The following CERK variants were observed in gnomAD, a reference collection of about 807,000 sequenced individuals.
CERK encodes the protein acylsphingosine kinase.
CERK carries 39 observed loss-of-function variants against 63.4 expected under a neutral mutation model. The ratio of observed to expected loss-of-function variants is 0.61; its 90% CI spans 0.48 to 0.80. CERK has a LOEUF of 0.80. Ranked by LOEUF, CERK falls within the 30% of genes least tolerant of loss-of-function variation. The pLI is 0.00. For synonymous variants in CERK, 302 were observed against 280.0 expected (o/e 1.08, Z -0.78); for missense variants, 670 against 714.1 (o/e 0.94, Z 0.70).
At chr22:46,720,845 C>T (rs957479548) in intron 2 of CERK, 57 bp downstream of exon 2, 15 of 1,068,842 alleles carry the variant, frequency 1.4e-5, no homozygotes, top group Non-Finnish European at 2.0e-5. Context: ...AGTTCCCTCT[C>T]GTGTAATCTA....
In CERK at chr22:46,701,584, G is replaced by C. The variant is rs1424355767; in HGVS notation, c.790+52C>G. ...GGGGACCAGAGTGGGACAGGCCTGG[G>C]GGCGCAGGAGGCCCGGCTGCCACCG... On this transcript the variant is annotated intron_variant, in intron 7 of 12. Transcript: ENST00000216264. The C allele has an allele frequency of 2.7e-6, 4 of 1,465,602 alleles. No homozygotes were observed. In the Admixed American group the frequency reaches 7.9e-5, roughly 29 times the overall value. The allele number at this position is 1,465,602 out of a possible 1,614,324, so 90.8% of individuals were successfully genotyped here. A position where few individuals can be genotyped will look rare whatever the true frequency, so the allele number is the denominator to read the frequency against.
intron 6 of CERK, among the ~76,000 whole-genome samples, chr22:46,705,326 GC>G (rs1288701846): frequency 6.6e-6 from 1 of 152,214 alleles, no homozygotes; most frequent in Non-Finnish European, 1.5e-5. Context: ...GGCACTTGTG[GC>G]CATAGGGAGA....
intron 12 of CERK, among the ~76,000 whole-genome samples, chr22:46,688,136 C>T (rs181400174): frequency 3.3e-5 from 5 of 152,036 alleles, no homozygotes; most frequent in Non-Finnish European, 7.4e-5. Context: ...TGCAGTGAGC[C>T]GAGACCTCGC....
chr22:46,734,638 C>T (rs2082963303), intron 1 of CERK, among the ~76,000 whole-genome samples: 1 of 152,196 alleles, frequency 6.6e-6, no homozygotes, highest in Non-Finnish European at 1.5e-5. Flanking sequence ...AGTTTTATTG[C>T]ATGCAATTTA....
chr22:46,697,712 C>T (rs1265721968), intron 8 of CERK, among the ~76,000 whole-genome samples: 1 of 152,178 alleles, frequency 6.6e-6, no homozygotes, highest in South Asian at 2.1e-4. Context: ...ACCATGTTGG[C>T]GAGGCTGGTC....
At chr22:46,737,871 T>A in intron 1 of CERK, 136 bp downstream of exon 1, 70 of 265,024 alleles carry the variant, frequency 2.6e-4, no homozygotes, top group East Asian at 8.2e-4. Context: ...GACCCCTCCC[T>A]GGCGCCTGCG....
chr22:46,726,771 C>T (rs147947879), intron 1 of CERK, among the ~76,000 whole-genome samples: 30 of 151,758 alleles, frequency 2.0e-4, no homozygotes, highest in Middle Eastern at 3.4e-3. Flanking sequence ...CTGTCCCCCG[C>T]CCCTCCCCGC....
At position 46,687,222 on chromosome 22, in the gene CERK, G is replaced by A; in HGVS notation, c.1542-16C>T. On this transcript the variant is annotated splice_polypyrimidine_tract_variant and intron_variant, in intron 12 of 12. Coordinates refer to ENST00000216264, the MANE Select transcript of CERK (RefSeq NM_022766.6). ...GCAGTGGACTCTGCAGAGACAAGCG[G>A]CCACGTGTAAACCCCACGTGTCCCT... is the stretch of plus-strand genomic sequence containing the variant. The A allele has an allele frequency of 1.2e-6, 2 of 1,612,966 alleles. No individual in the cohort carries two copies. The highest frequency in any genetic ancestry group is 1.7e-6 in the Non-Finnish European group (2 of 1,179,420).
chr22:46,725,036 A>G lies in CERK; in HGVS notation c.143-4021T>C, dbSNP rs79569334. Among the ~76,000 whole-genome samples the G allele has an allele frequency of 1.3e-3, 194 of 151,712 alleles. 1 individual carries two copies. The East Asian group carries it at 0.033, about 25-fold the overall frequency. On this transcript the variant is annotated intron_variant, in intron 1 of 12. Coordinates refer to ENST00000216264, the MANE Select transcript of CERK (RefSeq NM_022766.6). The stretch of plus-strand genomic sequence containing the variant: ...AAACTCCATCTCAAAAAAAAAAGAA[A>G]AAGAAGGCTGGGCTCAAGATGGAGG...
At chr22:46,710,220 G>A (rs1045306924) in intron 5 of CERK, among the ~76,000 whole-genome samples, 2 of 152,282 alleles carry the variant, frequency 1.3e-5, no homozygotes, top group East Asian at 3.9e-4. Flanking sequence ...GATCACCTGA[G>A]GTCAGGAGTT....
In CERK at chr22:46,711,097, G is replaced by A; in HGVS notation, c.558C>T (p.Asp186=). The change falls in exon 5 of 13, where the codon GAC becomes GAT. Residue 186 remains aspartate, a synonymous_variant. Coordinates refer to ENST00000216264, the MANE Select transcript of CERK (RefSeq NM_022766.6). ...AKETLYEINI[D]KYDGIVCVGG... ...GACGGCTTACTCACCCGTCGTATTT[G>A]TCTATGTTAATCTCATACAGAGTCT... 1 of 1,613,196 alleles carries A rather than the reference G, an allele frequency of 6.2e-7. No homozygotes were observed. Among genetic ancestry groups the A allele is most frequent in the Non-Finnish European group, 8.5e-7 (1 of 1,179,326 alleles).
chr22:46,737,992 G>A lies in CERK; in HGVS notation c.142+15C>T. 8.5e-7 allele frequency: 1 copy of A among 1,171,168 alleles called. No individual in the cohort carries two copies. Among genetic ancestry groups the A allele is most frequent in the Non-Finnish European group, 1.1e-6 (1 of 951,004 alleles). 72.5% of individuals were successfully genotyped at this position (1,171,168 alleles called of 1,614,324 possible). On this transcript the variant is annotated intron_variant, in intron 1 of 12. Coordinates refer to ENST00000216264, the MANE Select transcript of CERK (RefSeq NM_022766.6). The stretch of plus-strand genomic sequence containing the variant: ...TGGCCAGGTCCGGCCGAACCCGGGC[G>A]GCGGCGACACTCACCCGCGCCGGGG...
chr22:46,738,109 G>A lies in CERK; in HGVS notation c.40C>T (p.Leu14=), dbSNP rs776277527. 4.7e-6 allele frequency: 6 copies of A among 1,272,986 alleles called. No individual in the cohort carries two copies. In the South Asian group the frequency reaches 1.2e-4, roughly 25 times the overall value. 78.9% of individuals were successfully genotyped at this position (1,272,986 alleles called of 1,614,324 possible). ...GCGCAGCGCTGCTGCTTCACCCACA[G>A]CACGGATTGCAGCGGCTCCGCCGCC... The part of the protein sequence containing the change: ...TGAAEPLQSV[L]WVKQQRCAVS... The change falls in exon 1 of 13, where the codon CTG becomes TTG. Residue 14 remains leucine (L), a synonymous_variant. Coordinates refer to ENST00000216264, the MANE Select transcript of CERK (RefSeq NM_022766.6).
intron 11 of CERK, 45 bp from the exon 12 acceptor site, chr22:46,690,245 C>T (rs1181399346): frequency 5.1e-6 from 8 of 1,555,102 alleles, no homozygotes; most frequent in Non-Finnish European, 7.1e-6. Context: ...TAAACGTCAT[C>T]GTCTGGGTGG....
At chr22:46,708,055 G>T in intron 5 of CERK, 67 bp from the exon 6 acceptor site, 1 of 1,495,212 alleles carries the variant, frequency 6.7e-7, no homozygotes. Flanking sequence ...CAGGCCTGAG[G>T]CTTCCAGCTT....
At chr22:46,710,987 G>T (rs773443039) in intron 5 of CERK, 99 bp downstream of exon 5, 1 of 899,918 alleles carries the variant, frequency 1.1e-6, no homozygotes, top group African/African-American at 1.7e-5. Flanking sequence ...GGGTGGAGGC[G>T]GGGGGCGGAT....
At chr22:46,718,069 T>C (rs1173743677) in intron 3 of CERK, among the ~76,000 whole-genome samples, 1 of 151,432 alleles carries the variant, frequency 6.6e-6, no homozygotes, top group Non-Finnish European at 1.5e-5. Context: ...TGGAGTGAGA[T>C]TGTCTCAAAA....
intron 1 of CERK, among the ~76,000 whole-genome samples, chr22:46,726,476 C>G (rs560058971): frequency 3.9e-4 from 59 of 152,294 alleles, no homozygotes; most frequent in African/African-American, 1.4e-3. Flanking sequence ...CCTCCACATG[C>G]CCGGCCCGCT....
intron 1 of CERK, among the ~76,000 whole-genome samples, chr22:46,731,372 A>G (rs1378095158): frequency 6.6e-6 from 1 of 152,182 alleles, no homozygotes; most frequent in African/African-American, 2.4e-5. Flanking sequence ...TGGCCTTAGC[A>G]GAGGCCTGGC....
Sources: allele counts gnomAD v4.1 joint callset (sites outside exome capture counted in the v4.1 genomes callset), GRCh38; gene constraint gnomAD v4.1.1; transcripts MANE v1.5; gene names NCBI Gene and HGNC (gene_info 2026-07-23, HGNC 2026-07-21).